Variants in UNC13C observed in about 807,000 individuals in gnomAD.
The protein encoded by UNC13C is protein unc-13 homolog C.
Under a neutral mutation model 245.4 loss-of-function variants are expected in UNC13C, and 174 were observed. That is an observed-to-expected ratio of 0.71 (90% CI 0.63 to 0.80). The LOEUF (loss-of-function observed/expected upper bound fraction) is 0.80. Among genes scored for constraint, UNC13C ranks in the 30% least tolerant of loss-of-function variants. The pLI, the probability that UNC13C is intolerant of heterozygous loss-of-function variation, is 0.00. For synonymous variants in UNC13C, 992 were observed against 895.1 expected (o/e 1.11, Z -1.93); for missense variants, 2,829 against 2,602.9 (o/e 1.09, Z -1.89).
chr15:54,236,045 G>A (rs969240275), intron 5 of UNC13C, among the ~76,000 whole-genome samples: 1 of 149,134 alleles, frequency 6.7e-6, no homozygotes, highest in South Asian at 2.1e-4. Flanking sequence ...TCGTGAAAAA[G>A]TGTCTCTTCT....
At chr15:54,421,886 A>G (rs960374222) in intron 19 of UNC13C, among the ~76,000 whole-genome samples, 1 of 152,068 alleles carries the variant, frequency 6.6e-6, no homozygotes, top group East Asian at 1.9e-4. Flanking sequence ...TATGCCAGGC[A>G]TTATGCTAGC....
At chr15:54,030,822 A>T (rs549400086) in intron 2 of UNC13C, among the ~76,000 whole-genome samples, 7 of 152,326 alleles carry the variant, frequency 4.6e-5, no homozygotes, top group African/African-American at 1.7e-4. Flanking sequence ...AAGTGCAAAA[A>T]GGGATGAACT....
rs982001134 is a variant in UNC13C, at chr15:54,507,108, C to T, written c.5302-9C>T. The T allele has an allele frequency of 1.3e-6, 2 of 1,574,254 alleles. No homozygotes were observed. The highest frequency in any genetic ancestry group is 1.7e-6 in the Non-Finnish European group (2 of 1,156,470). ...ACCTGGGTAAAGTTCACAATGTTTT[C>T]TTTCTTAGACTATCAATAAAGTGCT... On this transcript the variant is annotated splice_polypyrimidine_tract_variant and intron_variant, in intron 22 of 32. Coordinates refer to ENST00000260323, the MANE Select transcript of UNC13C (RefSeq NM_001080534.3).
intron 29 of UNC13C, among the ~76,000 whole-genome samples, chr15:54,564,969 G>A (rs1230715167): frequency 2.6e-5 from 4 of 151,850 alleles, no homozygotes; most frequent in Non-Finnish European, 4.4e-5. Flanking sequence ...AGATAGTGCC[G>A]AGACTCCCAG....
At chr15:54,029,785 G>C (rs1410603254) in intron 2 of UNC13C, among the ~76,000 whole-genome samples, 1 of 152,124 alleles carries the variant, frequency 6.6e-6, no homozygotes, top group African/African-American at 2.4e-5. Context: ...GACCCTATGC[G>C]GCCCTACTCA....
At chr15:53,949,732 T>C in the UNC13C span, among the ~76,000 whole-genome samples, 1 of 152,158 alleles carries the variant, frequency 6.6e-6, no homozygotes, top group Non-Finnish European at 1.5e-5. Context: ...AAAATGCAGA[T>C]TCCTGGAACT....
intron 10 of UNC13C, among the ~76,000 whole-genome samples, chr15:54,293,037 C>G (rs955851019): frequency 9.3e-5 from 14 of 150,852 alleles, no homozygotes; most frequent in Non-Finnish European, 1.9e-4. Flanking sequence ...GTATTTTAAT[C>G]CAAGTTCAAG....
intron 17 of UNC13C, among the ~76,000 whole-genome samples, chr15:54,346,653 C>G (rs11634781): frequency 0.046 from 7,044 of 152,222 alleles, 247 homozygotes; most frequent in Admixed American, 0.11. Flanking sequence ...GCAGTTAGAA[C>G]AAGATAGAAG....
At chr15:53,901,949 C>T in the UNC13C span, among the ~76,000 whole-genome samples, 1 of 152,232 alleles carries the variant, frequency 6.6e-6, no homozygotes, top group East Asian at 1.9e-4. Context: ...ATCCCTCTAT[C>T]TACAAAATTA....
At chr15:54,350,422 T>C (rs1217101559) in intron 17 of UNC13C, among the ~76,000 whole-genome samples, 2 of 152,218 alleles carry the variant, frequency 1.3e-5, no homozygotes, top group Non-Finnish European at 2.9e-5. Flanking sequence ...AGAATGGTAA[T>C]TAGAAAGAAA....
intron 30 of UNC13C, among the ~76,000 whole-genome samples, chr15:54,620,983 C>T (rs759964835): frequency 2.6e-5 from 4 of 152,046 alleles, no homozygotes; most frequent in African/African-American, 4.8e-5. Flanking sequence ...TTGTCTATTT[C>T]GTTAGTGTGA....
Position 54,093,109 on chromosome 15 carries a change from A to ATT in UNC13C, c.2984-49908_2984-49907insTT, listed in dbSNP as rs551651833. Among the ~76,000 whole-genome samples, 7 of 152,150 alleles carry ATT rather than the reference A, an allele frequency of 4.6e-5. No individual in the cohort carries two copies. In the East Asian group the frequency reaches 1.4e-3, roughly 29 times the overall value. On this transcript the variant is annotated intron_variant, in intron 2 of 32. Coordinates refer to ENST00000260323, the MANE Select transcript of UNC13C (RefSeq NM_001080534.3). ...CCTTATTTGTCATCTATTCTTGCTTATAAGTCCTACTTCAGCTTATATTTA... is the reference window on the plus strand; with the variant it reads ...CCTTATTTGTCATCTATTCTTGCTTATTTAAGTCCTACTTCAGCTTATATTTA...
chr15:54,395,987 A>G (rs1339240884), intron 18 of UNC13C, among the ~76,000 whole-genome samples: 4 of 151,766 alleles, frequency 2.6e-5, no homozygotes, highest in Non-Finnish European at 5.9e-5. Flanking sequence ...TGAATTTTAG[A>G]TGTTTTAGAA....
At chr15:54,230,353 AT>A (rs2035515473) in intron 4 of UNC13C, among the ~76,000 whole-genome samples, 1 of 151,852 alleles carries the variant, frequency 6.6e-6, no homozygotes. Flanking sequence ...TGTATTGTGT[AT>A]TTTTTTATAT....
intron 30 of UNC13C, among the ~76,000 whole-genome samples, chr15:54,580,117 G>A (rs1898136347): frequency 6.6e-6 from 1 of 152,124 alleles, no homozygotes; most frequent in South Asian, 2.1e-4. Context: ...AATTTCTCTG[G>A]ACCCACTGAG....
chr15:54,266,788 T>A (rs540225200), intron 10 of UNC13C, among the ~76,000 whole-genome samples: 1 of 152,208 alleles, frequency 6.6e-6, no homozygotes, highest in East Asian at 1.9e-4. Flanking sequence ...TTATGCCTCA[T>A]GGAAAGTCAT....
chr15:53,925,134 T>A, the UNC13C span, among the ~76,000 whole-genome samples: 378 of 152,270 alleles, frequency 2.5e-3, 2 homozygotes, highest in Non-Finnish European at 4.3e-3. Flanking sequence ...TTTACATTAT[T>A]TTGTGTCTTT....
At chr15:53,931,837 C>T in the UNC13C span, among the ~76,000 whole-genome samples, 419 of 152,180 alleles carry the variant, frequency 2.8e-3, 4 homozygotes, top group Non-Finnish European at 3.5e-3. Context: ...CAGGGTGAGT[C>T]CTTGGTGTTA....
intron 32 of UNC13C, among the ~76,000 whole-genome samples, chr15:54,625,004 G>GTATTATTGAAATACAC (rs1158251961): frequency 1.3e-5 from 2 of 152,076 alleles, no homozygotes; most frequent in African/African-American, 4.8e-5. Flanking sequence ...TGCTTGAAAT[G>GTATTATTGAAATACAC]TATTATTGAA....
Sources: allele counts gnomAD v4.1 joint callset (sites outside exome capture counted in the v4.1 genomes callset), GRCh38; gene constraint gnomAD v4.1.1; transcripts MANE v1.5; gene names NCBI Gene and HGNC (gene_info 2026-07-23, HGNC 2026-07-21).